RBFOX1: variants seen among roughly 807,000 people sequenced by gnomAD.
RBFOX1 encodes RNA binding protein fox-1 homolog 1.
In RBFOX1, 8 loss-of-function variants were observed where a neutral mutation model predicts 57.7. That is an observed-to-expected ratio of 0.14 (90% CI 0.08 to 0.25). The LOEUF (loss-of-function observed/expected upper bound fraction) is 0.25. Among genes scored for constraint, RBFOX1 ranks in the 10% least tolerant of loss-of-function variants. RBFOX1 has a pLI of 1.00. For synonymous variants in RBFOX1, 326 were observed against 222.4 expected (o/e 1.47, Z -4.15); for missense variants, 611 against 548.5 (o/e 1.11, Z -1.14).
intron 10 of RBFOX1, among the ~76,000 whole-genome samples, chr16:7,611,011 C>G (rs1030895849): frequency 1.3e-5 from 2 of 152,150 alleles, no homozygotes; most frequent in African/African-American, 2.4e-5. Context: ...AGTAGGCTGG[C>G]TCTGTATCTG....
rs1459578451 is a variant in RBFOX1, at chr16:5,946,815, C to G, written c.351+79480C>G. Among the ~76,000 whole-genome samples the G allele has an allele frequency of 2.0e-5, 3 of 152,152 alleles. No homozygotes were observed. The highest frequency in any genetic ancestry group is 4.4e-5 in the Non-Finnish European group (3 of 68,032). ...TGTCAGAATTGAACTGTAGGACACC[C>G]AGTTGGTGATGGCAGAGATTTGGAG... On this transcript the variant is annotated intron_variant, in intron 4 of 19. Transcript: ENST00000641259. This position sits in a 1 kb window ranked among gnomAD's most constrained non-coding sequence, Gnocchi z 4.6.
chr16:5,568,259 C>T (rs904902830), intron 2 of RBFOX1, among the ~76,000 whole-genome samples: 4 of 152,182 alleles, frequency 2.6e-5, no homozygotes, highest in African/African-American at 9.7e-5. Context: ...GTGCACGTGG[C>T]ACAGTCCCAC....
intron 3 of RBFOX1, among the ~76,000 whole-genome samples, chr16:6,979,189 G>T (rs762868511): frequency 6.6e-6 from 1 of 152,174 alleles, no homozygotes; most frequent in African/African-American, 2.4e-5. Context: ...AAGTTGAAAG[G>T]TTATTTAAAT....
chr16:7,133,820 G>T (rs1163290499), intron 4 of RBFOX1, among the ~76,000 whole-genome samples: 1 of 152,072 alleles, frequency 6.6e-6, no homozygotes, highest in Admixed American at 6.6e-5. Context: ...TTTGCTGTCA[G>T]CCCTTTTGTA....
At chr16:6,961,726 A>T (rs1176834955) in intron 3 of RBFOX1, among the ~76,000 whole-genome samples, 2 of 152,138 alleles carry the variant, frequency 1.3e-5, no homozygotes, top group Non-Finnish European at 2.9e-5. Flanking sequence ...TAGACCATAT[A>T]GGGTAGCTTG....
intron 5 of RBFOX1, among the ~76,000 whole-genome samples, chr16:7,549,024 T>A (rs1182009629): frequency 1.3e-5 from 2 of 151,982 alleles, no homozygotes; most frequent in African/African-American, 2.4e-5. Flanking sequence ...CAGATGGTGA[T>A]AGGAGAGAAA....
intron 4 of RBFOX1, among the ~76,000 whole-genome samples, chr16:7,211,752 G>A (rs2091184929): frequency 6.6e-6 from 1 of 152,148 alleles, no homozygotes; most frequent in Non-Finnish European, 1.5e-5. Flanking sequence ...GCCTGAACTA[G>A]GAGGACTCGG....
chr16:6,328,380 G>T (rs2082619454), intron 2 of RBFOX1, among the ~76,000 whole-genome samples: 1 of 152,040 alleles, frequency 6.6e-6, no homozygotes, highest in Non-Finnish European at 1.5e-5. Context: ...CGCCACTAAA[G>T]AACTTATTCA....
chr16:7,656,914 T>C (rs1289125021), intron 12 of RBFOX1, among the ~76,000 whole-genome samples: 2 of 152,250 alleles, frequency 1.3e-5, no homozygotes, highest in African/African-American at 4.8e-5. Flanking sequence ...TCCAAACATT[T>C]CCTAAATTGC....
At chr16:6,827,781 C>G (rs1275751305) in intron 3 of RBFOX1, among the ~76,000 whole-genome samples, 1 of 152,170 alleles carries the variant, frequency 6.6e-6, no homozygotes, top group Non-Finnish European at 1.5e-5. Context: ...GTTAGTCTTT[C>G]CCTGGCCTTT....
At chr16:6,389,816 T>C (rs971728891) in intron 2 of RBFOX1, among the ~76,000 whole-genome samples, 6 of 152,138 alleles carry the variant, frequency 3.9e-5, no homozygotes, top group Non-Finnish European at 8.8e-5. Flanking sequence ...TATGGACTGG[T>C]AAGGCTCAGA....
chr16:5,963,115 G>C (rs1287998964), intron 4 of RBFOX1, among the ~76,000 whole-genome samples: 1 of 152,162 alleles, frequency 6.6e-6, no homozygotes, highest in Non-Finnish European at 1.5e-5. Context: ...ATAAACTGTA[G>C]CTTTAAAAAG....
chr16:6,676,766 C>G (rs563447844), intron 3 of RBFOX1, among the ~76,000 whole-genome samples: 1 of 148,906 alleles, frequency 6.7e-6, no homozygotes, highest in South Asian at 2.1e-4. Context: ...ACCTTTGCCT[C>G]CCAGGTTGAA....
intron 3 of RBFOX1, among the ~76,000 whole-genome samples, chr16:7,027,402 G>A (rs2041285233): frequency 2.6e-5 from 4 of 152,096 alleles, no homozygotes; most frequent in Non-Finnish European, 5.9e-5. Flanking sequence ...CAAAAACCCT[G>A]TAAGTTAGAC....
chr16:6,747,965 C>T (rs548618827), intron 3 of RBFOX1, among the ~76,000 whole-genome samples: 7 of 152,270 alleles, frequency 4.6e-5, no homozygotes, highest in African/African-American at 1.4e-4. Context: ...TTTTCTAAAT[C>T]CTTTCTCTTT....
intron 4 of RBFOX1, among the ~76,000 whole-genome samples, chr16:5,968,116 C>A (rs909762529): frequency 1.3e-5 from 2 of 152,092 alleles, no homozygotes; most frequent in Non-Finnish European, 2.9e-5. Flanking sequence ...GCTCTATCAC[C>A]CAGGCTGGAG....
chr16:7,448,952 G>A (rs1319781690), intron 4 of RBFOX1, among the ~76,000 whole-genome samples: 10 of 15,858 alleles, frequency 6.3e-4, no homozygotes, highest in African/African-American at 1.6e-3. Context: ...TTTTTGAGAT[G>A]GAGTTTTGCT....
At chr16:5,276,640 G>A (rs1053498438) in intron 1 of RBFOX1, among the ~76,000 whole-genome samples, 10 of 152,188 alleles carry the variant, frequency 6.6e-5, no homozygotes, top group East Asian at 1.9e-4. Context: ...AAAATTAGCC[G>A]GGCATGGTGG....
chr16:7,153,738 A>AAAAT (rs1555514621), intron 4 of RBFOX1, among the ~76,000 whole-genome samples: 35 of 151,382 alleles, frequency 2.3e-4, no homozygotes, highest in East Asian at 5.8e-4. Context: ...AAAAAAAAAA[A>AAAAT]AAATAAGGAA....
Sources: allele counts gnomAD v4.1 joint callset (sites outside exome capture counted in the v4.1 genomes callset), GRCh38; gene constraint gnomAD v4.1.1; non-coding constraint Gnocchi (gnomAD v3.1); transcripts MANE v1.5; gene names NCBI Gene and HGNC (gene_info 2026-07-23, HGNC 2026-07-21).